The following TLK1 variants were observed in gnomAD, a reference collection of about 807,000 sequenced individuals.
TLK1 encodes tousled like kinase 1, also known as serine/threonine-protein kinase tousled-like 1.
TLK1 carries 24 observed loss-of-function variants against 105.3 expected under a neutral mutation model. The ratio of observed to expected loss-of-function variants is 0.23; its 90% CI spans 0.17 to 0.32. The LOEUF is 0.32. Among genes scored for constraint, TLK1 ranks in the 10% least tolerant of loss-of-function variants. The pLI is 1.00. For synonymous variants in TLK1, 321 were observed against 310.4 expected, an observed-to-expected ratio of 1.03 and a Z score of -0.36; for missense variants, 558 against 910.5, an observed-to-expected ratio of 0.61 and a Z score of 4.98.
At chr2:171,044,148 G>A (rs1423846680) in intron 11 of TLK1, among the ~76,000 whole-genome samples, 1 of 152,188 alleles carries the variant, frequency 6.6e-6, no homozygotes, top group Non-Finnish European at 1.5e-5. Context: ...CTGGCCGGGT[G>A]CAGTGGCTCA....
intron 1 of TLK1, among the ~76,000 whole-genome samples, chr2:171,125,665 A>C (rs1690839454): frequency 6.6e-6 from 1 of 152,210 alleles, no homozygotes; most frequent in Non-Finnish European, 1.5e-5. Flanking sequence ...GTGTTCCAAT[A>C]AGACTTTATT....
chr2:170,997,447 C>CA lies in TLK1; in HGVS notation c.2016+264dup, dbSNP rs550318991. On this transcript the variant is annotated intron_variant, in intron 19 of 20. Transcript: ENST00000431350. ...TGAAAAGTATTGACTCCAGTATTCC[C>CA]AATAGCAGACAAATATTAGCATGTT... Among the ~76,000 whole-genome samples, 63 of 151,984 alleles carry CA rather than the reference C, an allele frequency of 4.1e-4. No individual in the cohort carries two copies. The South Asian group carries it at 0.013, about 31-fold the overall frequency.
chr2:171,009,195 A>G (rs1270123529), intron 14 of TLK1, among the ~76,000 whole-genome samples: 1 of 151,860 alleles, frequency 6.6e-6, no homozygotes, highest in African/African-American at 2.4e-5. Context: ...CCAGAACTGA[A>G]GTTCTCTTAA....
chr2:171,064,548 ATTTC>A (rs1687902632), intron 3 of TLK1, among the ~76,000 whole-genome samples: 1 of 152,246 alleles, frequency 6.6e-6, no homozygotes. Context: ...TAATGCTGTC[ATTTC>A]TTTCTTTTAT....
At chr2:171,165,260 A>C (rs1166327296), upstream of TLK1, among the ~76,000 whole-genome samples, 1 of 152,218 alleles carries the variant, frequency 6.6e-6, no homozygotes, top group Non-Finnish European at 1.5e-5. Context: ...CTCCATGAGG[A>C]CAGGGCCTTA....
chr2:171,211,325 C>T (rs1183062397), intron 1 of TLK1, among the ~76,000 whole-genome samples: 2 of 152,200 alleles, frequency 1.3e-5, no homozygotes, highest in African/African-American at 4.8e-5. Flanking sequence ...GTTTTCACCA[C>T]GAATTATATC....
chr2:171,138,715 T>C (rs1243362380), intron 1 of TLK1, among the ~76,000 whole-genome samples: 1 of 152,156 alleles, frequency 6.6e-6, no homozygotes, highest in Non-Finnish European at 1.5e-5. Flanking sequence ...GCTTAATCTC[T>C]TGGTAATCAA....
chr2:171,086,973 AAAC>A (rs1420319945), intron 2 of TLK1, among the ~76,000 whole-genome samples: 5 of 152,182 alleles, frequency 3.3e-5, no homozygotes, highest in African/African-American at 1.2e-4. Flanking sequence ...GATAAGACTA[AAAC>A]AACTAGCAGG....
intron 1 of TLK1, among the ~76,000 whole-genome samples, chr2:171,155,429 C>T (rs1692195687): frequency 6.6e-6 from 1 of 151,202 alleles, no homozygotes; most frequent in African/African-American, 2.4e-5. Context: ...CAGAAAAATC[C>T]TCAGAGGAAA....
chr2:171,098,102 G>C (rs896701083), intron 2 of TLK1, among the ~76,000 whole-genome samples: 23 of 152,242 alleles, frequency 1.5e-4, no homozygotes, highest in African/African-American at 5.5e-4. Context: ...CAGGAACTAG[G>C]GGGTAGGGGA....
intron 3 of TLK1, among the ~76,000 whole-genome samples, chr2:171,073,123 T>C (rs540709183): frequency 1.6e-4 from 25 of 152,298 alleles, no homozygotes; most frequent in African/African-American, 6.0e-4. Context: ...GTACAGTCTT[T>C]AGGTTTTTCC....
In TLK1 at chr2:170,991,714, C is replaced by T. The variant is rs1194519265; in HGVS notation, c.*2066G>A. 2.0e-5 allele frequency: 3 copies of T among 152,178 alleles called. No individual in the cohort carries two copies. The highest frequency in any genetic ancestry group is 4.4e-5 in the Non-Finnish European group (3 of 68,022). The allele number at this position is 152,178 out of a possible 1,614,324, so 9.4% of individuals were successfully genotyped here. A position where few individuals can be genotyped will look rare whatever the true frequency, so the allele number is the denominator to read the frequency against. On this transcript the variant is annotated 3_prime_UTR_variant, in exon 21 of 21. Coordinates refer to ENST00000431350, the MANE Select transcript of TLK1 (RefSeq NM_012290.5). ...AACCTCAAAGTTAGATTTACACATTCACTTCGTATCTCCCCAAAATTTTAA... is the reference window on the plus strand; with the variant it reads ...AACCTCAAAGTTAGATTTACACATTTACTTCGTATCTCCCCAAAATTTTAA...
intron 1 of TLK1, among the ~76,000 whole-genome samples, chr2:171,141,678 G>A (rs1301348402): frequency 6.6e-6 from 1 of 151,802 alleles, no homozygotes; most frequent in Non-Finnish European, 1.5e-5. Flanking sequence ...GCTGCAACAT[G>A]ACAAATGAAA....
intron 1 of TLK1, among the ~76,000 whole-genome samples, chr2:171,165,961 T>C (rs954762796): frequency 6.6e-6 from 1 of 152,134 alleles, no homozygotes; most frequent in African/African-American, 2.4e-5. Context: ...TTCTGAGTAC[T>C]CCCATACAGT....
At chr2:171,118,312 T>G (rs1271852434) in intron 1 of TLK1, among the ~76,000 whole-genome samples, 1 of 152,224 alleles carries the variant, frequency 6.6e-6, no homozygotes, top group Non-Finnish European at 1.5e-5. Context: ...ACTACTCTCC[T>G]AATGTAATCT....
rs1558936212 is a variant in TLK1, at chr2:171,090,160, T to A, written c.259-7308A>T. Among the ~76,000 whole-genome samples, 4 of 152,182 alleles carry A rather than the reference T, an allele frequency of 2.6e-5. No individual in the cohort carries two copies. The South Asian group carries it at 6.2e-4, about 24-fold the overall frequency. ...GTTTTCAGTGAAGATGTCTTGAGTATCTTTTGTAAGATTTATTTCAACTTA... is the reference window on the plus strand; with the variant it reads ...GTTTTCAGTGAAGATGTCTTGAGTAACTTTTGTAAGATTTATTTCAACTTA... On this transcript the variant is annotated intron_variant, in intron 2 of 20. Transcript: ENST00000431350.
chr2:171,210,759 G>A (rs1693599068), intron 1 of TLK1, among the ~76,000 whole-genome samples: 1 of 152,152 alleles, frequency 6.6e-6, no homozygotes, highest in South Asian at 2.1e-4. Flanking sequence ...ATTTACAAGG[G>A]AGAATTTGCC....
intron 1 of TLK1, among the ~76,000 whole-genome samples, chr2:171,218,614 G>A (rs901489259): frequency 6.6e-6 from 1 of 152,202 alleles, no homozygotes; most frequent in African/African-American, 2.4e-5. Flanking sequence ...CAAGGTGCCA[G>A]CAGGTTTGAT....
At chr2:171,164,779 C>G (rs1208150763), upstream of TLK1, among the ~76,000 whole-genome samples, 1 of 152,124 alleles carries the variant, frequency 6.6e-6, no homozygotes, top group East Asian at 1.9e-4. Context: ...AGCTCCTCCA[C>G]ACCTTGAAAT....
Sources: allele counts gnomAD v4.1 joint callset (sites outside exome capture counted in the v4.1 genomes callset), GRCh38; gene constraint gnomAD v4.1.1; transcripts MANE v1.5; gene names NCBI Gene and HGNC (gene_info 2026-07-23, HGNC 2026-07-21).